The following ASAP3 variants were observed in gnomAD, a reference collection of about 807,000 sequenced individuals.
ASAP3 encodes the protein ArfGAP with SH3 domain, ankyrin repeat and PH domain 3.
A neutral mutation model predicts 118.2 loss-of-function variants in ASAP3; 85 were observed. That is an observed-to-expected ratio of 0.72 (90% CI 0.60 to 0.86). ASAP3 has a LOEUF of 0.86. Ranked by LOEUF, ASAP3 falls within the 40% of genes least tolerant of loss-of-function variation. The pLI, the probability that ASAP3 is intolerant of heterozygous loss-of-function variation, is 0.00. For missense variants in ASAP3, 1,026 were observed against 1,175.0 expected (o/e 0.87, Z 1.85); for synonymous variants, 432 against 477.4 (o/e 0.90, Z 1.24).
intron 1 of ASAP3, among the ~76,000 whole-genome samples, chr1:23,477,367 A>G (rs1642164167): frequency 1.1e-5 from 1 of 94,558 alleles, no homozygotes. Context: ...ACAGAGTGAG[A>G]CTCCATCTCA....
At chr1:23,483,665 G>A (rs577126067) in intron 1 of ASAP3, among the ~76,000 whole-genome samples, 2 of 152,284 alleles carry the variant, frequency 1.3e-5, no homozygotes, top group East Asian at 3.9e-4. Context: ...GGGCACACTT[G>A]TGGGGCTCCG....
At chr1:23,454,170 G>A (rs1641310055) in intron 3 of ASAP3, among the ~76,000 whole-genome samples, 1 of 146,130 alleles carries the variant, frequency 6.8e-6, no homozygotes, top group South Asian at 2.2e-4. Flanking sequence ...ACAGGCATAC[G>A]CCCCCACACC....
intron 10 of ASAP3, 118 bp downstream of exon 10, chr1:23,440,984 T>C (rs1190776237): frequency 6.5e-6 from 6 of 926,766 alleles, no homozygotes; most frequent in Non-Finnish European, 1.0e-5. Context: ...GGATTTTACA[T>C]TGCAACCCTC....
chr1:23,482,679 T>C (rs12082825), intron 1 of ASAP3, among the ~76,000 whole-genome samples: 5,783 of 151,948 alleles, frequency 0.038, 145 homozygotes, highest in Middle Eastern at 0.15. Context: ...GCCGGCGCGG[T>C]GGCTCACGCC....
At chr1:23,478,650 C>T (rs1207448982) in intron 1 of ASAP3, among the ~76,000 whole-genome samples, 1 of 151,808 alleles carries the variant, frequency 6.6e-6, no homozygotes, top group Non-Finnish European at 1.5e-5. Context: ...GTCCCAGCTA[C>T]TCGGGAAGTT....
chr1:23,460,979 A>G (rs1467675505), intron 1 of ASAP3, among the ~76,000 whole-genome samples: 1 of 152,228 alleles, frequency 6.6e-6, no homozygotes, highest in African/African-American at 2.4e-5. Context: ...CTACTACATG[A>G]TTTCAACTAT....
intron 1 of ASAP3, among the ~76,000 whole-genome samples, chr1:23,469,429 G>T (rs1641891959): frequency 6.6e-6 from 1 of 152,152 alleles, no homozygotes; most frequent in Non-Finnish European, 1.5e-5. Context: ...GCTCCTGAAG[G>T]GTTCTGAACA....
intron 1 of ASAP3, among the ~76,000 whole-genome samples, chr1:23,464,606 G>A (rs1296036352): frequency 5.2e-5 from 7 of 133,524 alleles, no homozygotes. Flanking sequence ...GTTGCAGTAA[G>A]CTATAATCAT....
At position 23,439,920 on chromosome 1, in the gene ASAP3, T is replaced by A. The variant is rs1304608282; in HGVS notation, c.945-690A>T. Among the ~76,000 whole-genome samples the A allele has an allele frequency of 2.6e-5, 4 of 152,096 alleles. No individual in the cohort carries two copies. The East Asian group carries it at 7.8e-4, about 30-fold the overall frequency. ...ATCCCTGCCTCCCAGGTTCAAGCAA[T>A]TCTCATGCCTCAGCCTCCCAAGCAG... On this transcript the variant is annotated intron_variant, in intron 10 of 24. Coordinates refer to ENST00000336689, the MANE Select transcript of ASAP3 (RefSeq NM_017707.4).
At chr1:23,435,639 C>G in intron 17 of ASAP3, 1 of 622,472 alleles carries the variant, frequency 1.6e-6, no homozygotes, top group South Asian at 1.8e-5. Context: ...AAGTAACCTG[C>G]CCTAGATCAC....
At chr1:23,483,938 C>A in intron 1 of ASAP3, 67 bp downstream of exon 1, 1 of 1,230,302 alleles carries the variant, frequency 8.1e-7, no homozygotes, top group Non-Finnish European at 1.0e-6. Flanking sequence ...TCGGGTGCGA[C>A]ACGCCTGTGG....
At chr1:23,473,701 A>G (rs1448562024) in intron 1 of ASAP3, among the ~76,000 whole-genome samples, 4 of 152,186 alleles carry the variant, frequency 2.6e-5, no homozygotes, top group Admixed American at 1.3e-4. Flanking sequence ...GAGCACAAAA[A>G]AAGACAAATT....
intron 3 of ASAP3, among the ~76,000 whole-genome samples, chr1:23,454,279 C>A (rs1032059526): frequency 6.6e-6 from 1 of 151,776 alleles, no homozygotes; most frequent in Admixed American, 6.6e-5. Flanking sequence ...CTCCGCCTCC[C>A]GGGTTCAAGT....
intron 1 of ASAP3, among the ~76,000 whole-genome samples, chr1:23,483,141 C>G (rs1642364767): frequency 6.6e-6 from 1 of 152,170 alleles, no homozygotes; most frequent in Non-Finnish European, 1.5e-5. Flanking sequence ...GTATCTGCCA[C>G]GCAGTGGGTG....
chr1:23,455,139 C>T (rs535284491), intron 3 of ASAP3, among the ~76,000 whole-genome samples: 5 of 152,154 alleles, frequency 3.3e-5, no homozygotes, highest in Admixed American at 2.6e-4. Flanking sequence ...CAAACCGAAC[C>T]GTGTGACCTC....
chr1:23,474,588 A>AT (rs1642066621), intron 1 of ASAP3, among the ~76,000 whole-genome samples: 1 of 151,668 alleles, frequency 6.6e-6, no homozygotes, highest in African/African-American at 2.4e-5. Context: ...TTATTTATTT[A>AT]TTTTTATTTT....
At position 23,436,469 on chromosome 1, in the gene ASAP3, G is replaced by A. The variant is rs567700246; in HGVS notation, c.1571+91C>T. 6.9e-7 allele frequency: 1 copy of A among 1,454,536 alleles called. No homozygotes were observed. The highest frequency in any genetic ancestry group is 1.2e-5 in the South Asian group (1 of 85,148). The allele number at this position is 1,454,536 out of a possible 1,614,324, so 90.1% of individuals were successfully genotyped here. A position where few individuals can be genotyped will look rare whatever the true frequency, so the allele number is the denominator to read the frequency against. Reference sequence around the variant, plus strand: ...TGAGCCACTGCGCCCAGCCTCCCCAGACTTCTGATCCAAGACTTTTCTACG... The same window carrying A: ...TGAGCCACTGCGCCCAGCCTCCCCAAACTTCTGATCCAAGACTTTTCTACG... On this transcript the variant is annotated intron_variant, in intron 16 of 24. Coordinates refer to ENST00000336689, the MANE Select transcript of ASAP3 (RefSeq NM_017707.4). The surrounding 1 kb of genome is among the most constrained non-coding windows in gnomAD (Gnocchi z 4.2).
intron 1 of ASAP3, among the ~76,000 whole-genome samples, chr1:23,466,575 AAGACCACAGATGGCAGCACT>A (rs1377786701): frequency 1.3e-5 from 2 of 152,142 alleles, no homozygotes; most frequent in Non-Finnish European, 2.9e-5. Context: ...CTGCAGGCAA[AAGACCACAGATGGCAGCACT>A]AGGCCATGCC....
rs1640704020 is a variant in ASAP3, at chr1:23,437,216, C to T, written c.1256G>A (p.Gly419Glu). ...PGSWGSAGHD[G>E]EPHDLTKLLI... ...CAGCTTTGTGAGGTCGTGCGGCTCC[C>T]CATCATGGCCGGCGGACCCCCAGGA... Residue 419 changes from glycine to glutamate, a missense_variant, in exon 14 of 25, where the codon GGG becomes GAG. Transcript: ENST00000336689. This position sits in a 1 kb window ranked among gnomAD's most constrained non-coding sequence, Gnocchi z 6.1. 1 of 1,600,900 alleles carries T rather than the reference C, an allele frequency of 6.2e-7. No individual in the cohort carries two copies. Among genetic ancestry groups the T allele is most frequent in the African/African-American group, 1.3e-5 (1 of 74,768 alleles).
Sources: gnomAD v4.1 joint callset for allele counts (sites outside exome capture counted in the v4.1 genomes callset) on GRCh38, gnomAD v4.1.1 for gene constraint, Gnocchi (gnomAD v3.1) non-coding constraint, MANE v1.5 for transcripts, NCBI Gene and HGNC (gene_info 2026-07-23, HGNC 2026-07-21) for gene names.